CCDC13: variants seen among roughly 807,000 people sequenced by gnomAD.
The protein encoded by CCDC13 is coiled-coil domain-containing protein 13.
A neutral mutation model predicts 87.3 loss-of-function variants in CCDC13; 70 were observed. The observed-to-expected ratio is 0.80, with a 90% CI of 0.66 to 0.98. CCDC13 has a LOEUF of 0.98. Among genes scored for constraint, CCDC13 ranks in the 50% least tolerant of loss-of-function variants. CCDC13 has a pLI of 0.00. For synonymous variants in CCDC13, 317 were observed against 360.3 expected (o/e 0.88, Z 1.36); for missense variants, 842 against 892.0 (o/e 0.94, Z 0.71).
chr3:42,760,327 A>T (rs1224238929), intron 1 of CCDC13, among the ~76,000 whole-genome samples: 2 of 136,562 alleles, frequency 1.5e-5, no homozygotes, highest in Non-Finnish European at 3.2e-5. Flanking sequence ...TAAATAAATA[A>T]ATAAATAGGC....
intron 13 of CCDC13, among the ~76,000 whole-genome samples, chr3:42,727,394 T>C (rs957119419): frequency 6.6e-6 from 1 of 151,246 alleles, no homozygotes; most frequent in Admixed American, 6.6e-5. Flanking sequence ...GAAAAATAAA[T>C]AAATAAATAA....
At chr3:42,732,085 G>C (rs1324392133) in intron 12 of CCDC13, among the ~76,000 whole-genome samples, 1 of 152,212 alleles carries the variant, frequency 6.6e-6, no homozygotes, top group Non-Finnish European at 1.5e-5. Context: ...GCTGTGACAA[G>C]ACCTCCCACC....
At chr3:42,747,140 G>A in intron 6 of CCDC13, 117 bp downstream of exon 6, 1 of 813,156 alleles carries the variant, frequency 1.2e-6, no homozygotes, top group Non-Finnish European at 2.2e-6. Context: ...AGAGCAAGCA[G>A]TGTGCTCAAG....
chr3:42,771,798 A>C (rs1291432172), intron 1 of CCDC13, among the ~76,000 whole-genome samples: 1 of 152,116 alleles, frequency 6.6e-6, no homozygotes, highest in Non-Finnish European at 1.5e-5. Flanking sequence ...CTCTAATGTA[A>C]ACTATGGACT....
intron 15 of CCDC13, 79 bp from the exon 16 acceptor site, chr3:42,709,218 T>G: frequency 6.9e-7 from 1 of 1,447,200 alleles, no homozygotes; most frequent in Non-Finnish European, 9.3e-7. Flanking sequence ...CCTGGGAATG[T>G]GGTTGCCAGC....
chr3:42,735,345 G>A (rs1203095383), intron 10 of CCDC13, among the ~76,000 whole-genome samples: 2 of 152,178 alleles, frequency 1.3e-5, no homozygotes, highest in Non-Finnish European at 2.9e-5. Context: ...GTGCCTAGAA[G>A]CTGAATGAAG....
In CCDC13 at chr3:42,746,221, C is replaced by T. The variant is rs1699391401; in HGVS notation, c.721-194G>A. 2.0e-5 allele frequency: 11 copies of T among 558,404 alleles called. No individual in the cohort carries two copies. In the South Asian group the frequency reaches 2.3e-4, roughly 12 times the overall value. 34.6% of individuals were successfully genotyped at this position (558,404 alleles called of 1,614,324 possible). ...CTCCCTGGGAAAGTAGTAAACCCAT[C>T]ATCCCTGGCATTTCTTGGCAATGCT... On this transcript the variant is annotated intron_variant, in intron 6 of 15. Transcript: ENST00000310232.
chr3:42,731,762 G>C (rs995982233), intron 12 of CCDC13, among the ~76,000 whole-genome samples: 39 of 152,178 alleles, frequency 2.6e-4, no homozygotes, highest in African/African-American at 9.2e-4. Context: ...AGCCCGAATA[G>C]ACATACTCTC....
intron 1 of CCDC13, among the ~76,000 whole-genome samples, chr3:42,761,481 CT>C (rs1575334135): frequency 6.6e-6 from 1 of 152,194 alleles, no homozygotes; most frequent in African/African-American, 2.4e-5. Flanking sequence ...GATTTGTTTA[CT>C]TGTTGACTGC....
rs369481975 is a variant in CCDC13, at chr3:42,713,241, CA to C, written c.1793del (p.Leu598ArgfsTer63). On this transcript the variant is annotated frameshift_variant, in exon 14 of 16. Transcript: ENST00000310232. LOFTEE classifies it high-confidence loss of function. ...GGCGTATCTTCTCCAGATGTTGCTC[CA>C]GCACCACGGTGCGGTGTCGCTCCTC... ...LQEERHRTVV[L>X]EQHLEKIRLE... is the part of the protein sequence containing the mutation. 2.0e-4 allele frequency: 319 copies of C among 1,614,212 alleles called. 1 individual carries two copies. The East Asian group carries it at 6.7e-3, about 34-fold the overall frequency.
intron 5 of CCDC13, chr3:42,749,983 C>T (rs1559655996): frequency 2.2e-6 from 1 of 456,042 alleles, no homozygotes. Context: ...ATTGCTTTTG[C>T]TCTCGCTCTG....
chr3:42,743,659 A>T (rs1575311591), intron 7 of CCDC13, among the ~76,000 whole-genome samples: 2 of 144,806 alleles, frequency 1.4e-5, no homozygotes, highest in East Asian at 4.0e-4. Flanking sequence ...ATAAATATAA[A>T]TATATATATA....
chr3:42,718,716 C>T (rs1299474688), intron 13 of CCDC13, among the ~76,000 whole-genome samples: 1 of 152,100 alleles, frequency 6.6e-6, no homozygotes, highest in Non-Finnish European at 1.5e-5. Context: ...AGTGAGGAAA[C>T]CCCTGACCCA....
At chr3:42,733,093 T>C (rs977262494) in intron 11 of CCDC13, 123 bp from the exon 12 acceptor site, 2 of 747,532 alleles carry the variant, frequency 2.7e-6, no homozygotes, top group Non-Finnish European at 4.3e-6. Flanking sequence ...GCAGCAGTCC[T>C]GTGGATTTGC....
chr3:42,758,013 C>G, intron 2 of CCDC13, 112 bp downstream of exon 2: 1 of 855,024 alleles, frequency 1.2e-6, no homozygotes, highest in Non-Finnish European at 1.8e-6. Context: ...TCTAAGCTTC[C>G]TTCTATCACT....
intron 9 of CCDC13, among the ~76,000 whole-genome samples, chr3:42,738,026 G>A (rs1410705638): frequency 2.0e-5 from 3 of 152,158 alleles, no homozygotes; most frequent in Admixed American, 6.5e-5. Flanking sequence ...TTTTCTTCTA[G>A]GGTTTTTATG....
chr3:42,768,242 A>G (rs1428285327), intron 1 of CCDC13, among the ~76,000 whole-genome samples: 1 of 152,202 alleles, frequency 6.6e-6, no homozygotes, highest in Non-Finnish European at 1.5e-5. Context: ...GTAAACTGCA[A>G]AACTTCTAGA....
intron 1 of CCDC13, among the ~76,000 whole-genome samples, chr3:42,766,508 A>G (rs1433310240): frequency 2.0e-5 from 3 of 151,646 alleles, no homozygotes; most frequent in Non-Finnish European, 4.4e-5. Context: ...AGTCAAGTGA[A>G]AGGAGGGGAG....
Position 42,735,786 on chromosome 3 carries a change from G to A in CCDC13, c.1292C>T (p.Ala431Val). ...SEAQRSNSLVAQLQAMVAERE... is the reference protein window; with the variant it reads ...SEAQRSNSLVVQLQAMVAERE... ...CTCAGCTACCATGGCCTGCAGCTGG[G>A]CGACTAGGCTGTTGCTCCGCTGAGC... Residue 431 changes from alanine (A) to valine (V), a missense_variant, in exon 10 of 16, where the codon GCC becomes GTC. Transcript: ENST00000310232. 1 of 1,614,242 alleles carries A rather than the reference G, an allele frequency of 6.2e-7. No homozygotes were observed. Among genetic ancestry groups the A allele is most frequent in the Non-Finnish European group, 8.5e-7 (1 of 1,180,040 alleles).
Sources: gnomAD v4.1 joint callset for allele counts (sites outside exome capture counted in the v4.1 genomes callset) on GRCh38, gnomAD v4.1.1 for gene constraint, MANE v1.5 for transcripts, NCBI Gene and HGNC (gene_info 2026-07-23, HGNC 2026-07-21) for gene names.